The following NEB variants were observed in gnomAD, a reference collection of about 807,000 sequenced individuals.
The protein encoded by NEB is nemaline myopathy type 2.
Under a neutral mutation model 952.2 loss-of-function variants are expected in NEB, and 512 were observed. The observed-to-expected ratio is 0.54, with a 90% CI of 0.50 to 0.58. The LOEUF (loss-of-function observed/expected upper bound fraction) is 0.58, where lower values mean the gene tolerates loss of function less well. Among genes scored for constraint, NEB ranks in the 20% least tolerant of loss-of-function variants. The probability of loss-of-function intolerance (pLI) is 0.00; values close to 1 mark genes in which losing one functional copy is unlikely to be tolerated. For synonymous variants in NEB, 2,900 were observed against 3,149.8 expected, an observed-to-expected ratio of 0.92 and a Z score of 2.66; for missense variants, 8,428 against 9,231.1, an observed-to-expected ratio of 0.91 and a Z score of 3.56.
chr2:151,622,491 A>G (rs1331182178), intron 71 of NEB, among the ~76,000 whole-genome samples: 1 of 152,234 alleles, frequency 6.6e-6, no homozygotes, highest in Non-Finnish European at 1.5e-5. Context: ...AAAAGTTGCA[A>G]GAATGCTACA....
At chr2:151,713,181 C>T (rs956804754) in intron 10 of NEB, among the ~76,000 whole-genome samples, 2 of 152,096 alleles carry the variant, frequency 1.3e-5, no homozygotes, top group African/African-American at 4.8e-5. Flanking sequence ...AAACATATAG[C>T]TTCATTATCT....
chr2:151,713,986 TC>T, intron 10 of NEB, among the ~76,000 whole-genome samples: 1 of 152,116 alleles, frequency 6.6e-6, no homozygotes, highest in African/African-American at 2.4e-5. Flanking sequence ...AAAATATGGC[TC>T]CCTAGTATAA....
At chr2:151,567,063 T>C in intron 114 of NEB, 105 bp downstream of exon 114, 1 of 1,018,060 alleles carries the variant, frequency 9.8e-7, no homozygotes, top group South Asian at 1.9e-5. Flanking sequence ...ACAAATTAAA[T>C]ATCGATGGCC....
intron 75 of NEB, 63 bp from the exon 76 acceptor site, chr2:151,616,172 A>G: frequency 8.6e-7 from 1 of 1,167,300 alleles, no homozygotes. Context: ...GTTCATTATT[A>G]GTTTTTCTTT....
At chr2:151,497,177 C>T (rs889090095) in intron 171 of NEB, 144 bp from the exon 172 acceptor site, 15 of 1,267,756 alleles carry the variant, frequency 1.2e-5, no homozygotes, top group Non-Finnish European at 1.6e-5. Flanking sequence ...AAAATGCCAC[C>T]GACTACTTTA....
In NEB at chr2:151,512,463, C is replaced by T. The variant is rs535125329; in HGVS notation, c.23346+270G>A. Among the ~76,000 whole-genome samples the T allele has an allele frequency of 2.0e-5, 3 of 152,260 alleles. No individual in the cohort carries two copies. In the South Asian group the frequency reaches 6.2e-4, roughly 32 times the overall value. ...ACCTCAGCCTTCCTAGAAGCTGGGA[C>T]TGGCGTGCACCACCACACCTGGCCA... On this transcript the variant is annotated intron_variant, in intron 161 of 181. Coordinates refer to ENST00000397345, the MANE Select transcript of NEB (RefSeq NM_001164508.2).
chr2:151,551,694 T>C (rs766680656), intron 129 of NEB, 44 bp downstream of exon 129: 3 of 1,462,666 alleles, frequency 2.1e-6, no homozygotes, highest in Non-Finnish European at 2.9e-6. Flanking sequence ...CAGAGGCTGA[T>C]GGAACGGATT....
intron 10 of NEB, among the ~76,000 whole-genome samples, chr2:151,717,090 G>A (rs978678093): frequency 2.6e-5 from 4 of 152,186 alleles, no homozygotes; most frequent in East Asian, 1.9e-4. Flanking sequence ...AGCTCTTCAC[G>A]GAAGTGTGTG....
intron 11 of NEB, 76 bp from the exon 12 acceptor site, chr2:151,709,839 A>G (rs2099738902): frequency 2.5e-6 from 3 of 1,197,344 alleles, no homozygotes; most frequent in South Asian, 1.3e-5. Flanking sequence ...AGACACAGGG[A>G]TTTGGAAAAG....
intron 10 of NEB, among the ~76,000 whole-genome samples, chr2:151,716,838 T>A (rs2099760486): frequency 6.6e-6 from 1 of 152,198 alleles, no homozygotes; most frequent in Admixed American, 6.5e-5. Flanking sequence ...AAAATAGGAA[T>A]TTAGCATGGG....
chr2:151,517,003 TG>T (rs1439021224), intron 156 of NEB, among the ~76,000 whole-genome samples: 2 of 152,234 alleles, frequency 1.3e-5, no homozygotes, highest in Non-Finnish European at 2.9e-5. Flanking sequence ...ATCAGAGACC[TG>T]GGGTCTAGAT....
In NEB at chr2:151,576,235, C is replaced by G. The variant is rs531949723; in HGVS notation, c.16824G>C (p.Thr5608=). 9 of 1,611,198 alleles carry G rather than the reference C, an allele frequency of 5.6e-6. No individual in the cohort carries two copies. Among genetic ancestry groups the G allele is most frequent in the Admixed American group, 1.7e-5 (1 of 59,920 alleles). The change falls in exon 106 of 182, where the codon ACG becomes ACC. Residue 5608 remains threonine, a synonymous_variant. Coordinates refer to ENST00000397345, the MANE Select transcript of NEB (RefSeq NM_001164508.2). The stretch of plus-strand genomic sequence containing the variant: ...TTGTGTACTTAAGGTTCACCACAGG[C>G]GTCCGATAGACACTGTCACAAAAGA... The part of the protein sequence containing the change: ...QNIFCDSVYR[T]PVVNLKYTSI...
At chr2:151,568,938 C>G (rs576443058) in intron 110 of NEB, among the ~76,000 whole-genome samples, 1 of 152,290 alleles carries the variant, frequency 6.6e-6, no homozygotes, top group East Asian at 1.9e-4. Context: ...GTTTGCTTAG[C>G]TCTCAAAGTT....
At chr2:151,610,415 A>G (rs1188366991) in intron 80 of NEB, 101 bp downstream of exon 80, 2 of 857,578 alleles carry the variant, frequency 2.3e-6, no homozygotes, top group South Asian at 3.2e-5. Flanking sequence ...TAGGACTGGA[A>G]GGTACATGTG....
At chr2:151,562,440 T>C (rs1358479678) in intron 120 of NEB, among the ~76,000 whole-genome samples, 171 bp downstream of exon 120, 2 of 152,186 alleles carry the variant, frequency 1.3e-5, no homozygotes, top group African/African-American at 2.4e-5. Context: ...ATGTGTCCTA[T>C]GGCTTAGGGT....
chr2:151,725,623 A>G (rs1031907436), intron 5 of NEB, 63 bp from the exon 6 acceptor site: 42 of 1,270,466 alleles, frequency 3.3e-5, no homozygotes, highest in Non-Finnish European at 4.6e-5. Flanking sequence ...CAACATACTC[A>G]CCCCATTTGA....
At chr2:151,490,152 G>C in intron 180 of NEB, 75 bp from the exon 181 acceptor site, 1 of 1,261,832 alleles carries the variant, frequency 7.9e-7, no homozygotes. Context: ...TAGCAGCTGA[G>C]TGATGTCTTT....
intron 10 of NEB, among the ~76,000 whole-genome samples, chr2:151,711,474 G>A (rs2099745090): frequency 1.3e-5 from 2 of 152,210 alleles, no homozygotes; most frequent in Non-Finnish European, 2.9e-5. Flanking sequence ...GAGAAGGTGA[G>A]TGATGTGCAG....
Position 151,723,499 on chromosome 2 carries a change from A to G in NEB, c.613-13T>C. ...CAGTGTACAGTTTCTAAATCAAAAA[A>G]GAGTGAAAAGTTAGGAGGAAGTAGG... is the stretch of plus-strand genomic sequence containing the variant. On this transcript the variant is annotated splice_polypyrimidine_tract_variant and intron_variant, in intron 8 of 181. Coordinates refer to ENST00000397345, the MANE Select transcript of NEB (RefSeq NM_001164508.2). 6.3e-7 allele frequency: 1 copy of G among 1,575,070 alleles called. No homozygotes were observed. Among genetic ancestry groups the G allele is most frequent in the Non-Finnish European group, 8.7e-7 (1 of 1,153,610 alleles).
Sources: allele counts gnomAD v4.1 joint callset (sites outside exome capture counted in the v4.1 genomes callset), GRCh38; gene constraint gnomAD v4.1.1; transcripts MANE v1.5; gene names NCBI Gene and HGNC (gene_info 2026-07-23, HGNC 2026-07-21).